LIMCH1: variants seen among roughly 807,000 people sequenced by gnomAD.
The protein encoded by LIMCH1 is LIM and calponin homology domains-containing protein 1.
In LIMCH1, 113 loss-of-function variants were observed where a neutral mutation model predicts 176.5. That is an observed-to-expected ratio of 0.64 (90% confidence interval 0.55 to 0.75). The LOEUF (loss-of-function observed/expected upper bound fraction) is 0.75, where lower values mean the gene tolerates loss of function less well. LIMCH1 is among the 30% of genes least tolerant of loss of function. The pLI is 0.00. For missense variants in LIMCH1, 1,674 were observed against 1,814.9 expected (o/e 0.92, Z 1.41); for synonymous variants, 619 against 645.9 (o/e 0.96, Z 0.63).
chr4:41,608,331 G>A (rs554435002), intron 4 of LIMCH1, among the ~76,000 whole-genome samples: 4 of 152,262 alleles, frequency 2.6e-5, no homozygotes, highest in Admixed American at 2.6e-4. Context: ...ACTTGAACTT[G>A]GTCATGCATC....
At chr4:41,621,744 TTCCAGAAG>T (rs60568993) in intron 7 of LIMCH1, among the ~76,000 whole-genome samples, 6,019 of 152,158 alleles carry the variant, frequency 0.04, 387 homozygotes, top group African/African-American at 0.14. Flanking sequence ...TATACCCATC[TTCCAGAAG>T]TCCAGAAGTG....
At position 41,646,840 on chromosome 4, in the gene LIMCH1, C is replaced by T. The variant is rs1313570332; in HGVS notation, c.2767C>T (p.Pro923Ser). The T allele has an allele frequency of 6.2e-7, 1 of 1,614,160 alleles. No individual in the cohort carries two copies. Among genetic ancestry groups the T allele is most frequent in the Non-Finnish European group, 8.5e-7 (1 of 1,180,012 alleles). Residue 923 changes from proline to serine, a missense_variant, in exon 17 of 32, where the codon CCC (proline) becomes TCC (serine). By Grantham distance (74) the Pro-to-Ser change is moderately conservative (BLOSUM62 -1). Transcript: ENST00000503057. ...TCCCAAAGCAGTGCCTATGCTGACA[C>T]CCAAGCCTTACTCCCAGCCCAAAAA... The part of the protein sequence containing the change: ...VTPKAVPMLT[P>S]KPYSQPKNSQ...
At chr4:41,492,956 C>T (rs1394823961) in intron 1 of LIMCH1, among the ~76,000 whole-genome samples, 2 of 152,062 alleles carry the variant, frequency 1.3e-5, no homozygotes, top group East Asian at 1.9e-4. Context: ...ATTTCCTAAA[C>T]AATACAGTGT....
At chr4:41,505,293 A>G (rs977234640) in intron 2 of LIMCH1, among the ~76,000 whole-genome samples, 8 of 152,186 alleles carry the variant, frequency 5.3e-5, no homozygotes, top group Non-Finnish European at 1.0e-4. Flanking sequence ...CCAAAAGTCA[A>G]TTATGAATAT....
Position 41,613,239 on chromosome 4 carries a change from T to TA in LIMCH1, c.10-219dup, listed in dbSNP as rs1554127178. ...AATATGAGTTATTTGGGGATTTTTT[T>TA]AAAAAAAACGTTGTGCATGATTTTC... On this transcript the variant is annotated intron_variant, in intron 4 of 31. Transcript: ENST00000503057. 537 of 927,080 alleles carry TA rather than the reference T, an allele frequency of 5.8e-4. 4 individuals carry two copies. The highest frequency in any genetic ancestry group is 2.3e-3 in the South Asian group (143 of 61,730). The allele number at this position is 927,080 out of a possible 1,614,324, so 57.4% of individuals were successfully genotyped here.
chr4:41,452,046 C>T (rs1053852245), intron 1 of LIMCH1, among the ~76,000 whole-genome samples: 2 of 152,160 alleles, frequency 1.3e-5, no homozygotes, highest in African/African-American at 2.4e-5. Context: ...ACAACTTAGT[C>T]CCCGCTTGGC....
chr4:41,550,396 C>G (rs1178402918), intron 1 of LIMCH1, among the ~76,000 whole-genome samples: 1 of 151,952 alleles, frequency 6.6e-6, no homozygotes, highest in African/African-American at 2.4e-5. Context: ...AATGAGCCTT[C>G]TACTTTCAAA....
At chr4:41,547,861 GTGTA>G (rs146014434) in intron 1 of LIMCH1, among the ~76,000 whole-genome samples, 4,272 of 84,714 alleles carry the variant, frequency 0.05, 91 homozygotes, top group Admixed American at 0.083. Flanking sequence ...ATTTGTGTGT[GTGTA>G]TATATATATA....
chr4:41,598,862 C>A, intron 1 of LIMCH1, 58 bp from the exon 2 acceptor site: 1 of 1,124,448 alleles, frequency 8.9e-7, no homozygotes, highest in Admixed American at 1.9e-5. Context: ...TTGGGAGGGG[C>A]TGGTTCATAA....
chr4:41,502,155 T>A (rs1012267795), intron 2 of LIMCH1, among the ~76,000 whole-genome samples: 1 of 151,026 alleles, frequency 6.6e-6, no homozygotes, highest in African/African-American at 2.4e-5. Context: ...AGTGAGAAGA[T>A]GTGGTGTTTG....
intron 1 of LIMCH1, among the ~76,000 whole-genome samples, chr4:41,487,463 G>T (rs1274462082): frequency 6.6e-6 from 1 of 152,118 alleles, no homozygotes; most frequent in Non-Finnish European, 1.5e-5. Context: ...CCTATTCCCA[G>T]AATTGGGTCT....
chr4:41,465,686 A>C (rs548307498), intron 1 of LIMCH1, among the ~76,000 whole-genome samples: 2 of 152,250 alleles, frequency 1.3e-5, no homozygotes, highest in African/African-American at 4.8e-5. Context: ...TTTTATATTG[A>C]TACTTCTCCT....
At chr4:41,652,977 C>A (rs561737890) in intron 18 of LIMCH1, among the ~76,000 whole-genome samples, 3 of 152,184 alleles carry the variant, frequency 2.0e-5, no homozygotes, top group Admixed American at 1.3e-4. Flanking sequence ...GTCAGTGAAC[C>A]CTAATGTTTC....
In LIMCH1 at chr4:41,435,006, G is replaced by A. The variant is rs1582115338; in HGVS notation, c.97-59530G>A. On this transcript the variant is annotated intron_variant, in intron 1 of 26. Coordinates refer to the LIMCH1 transcript ENST00000313860. The stretch of plus-strand genomic sequence containing the variant: ...GGATGTTAATATCTTAATCCTTAGA[G>A]CCTCTGGCTATATTATCTTATATGG... Among the ~76,000 whole-genome samples the A allele has an allele frequency of 2.6e-5, 4 of 152,270 alleles. No individual in the cohort carries two copies. In the East Asian group the frequency reaches 7.7e-4, roughly 29 times the overall value.
chr4:41,678,773 T>C, intron 23 of LIMCH1, among the ~76,000 whole-genome samples: 1 of 130,858 alleles, frequency 7.6e-6, no homozygotes, highest in Non-Finnish European at 1.7e-5. Context: ...TTTCACTCTC[T>C]GCATCTCTGC....
chr4:41,619,084 T>C, intron 5 of LIMCH1, 104 bp from the exon 6 acceptor site: 1 of 1,280,666 alleles, frequency 7.8e-7, no homozygotes, highest in Non-Finnish European at 1.1e-6. Context: ...TAAGAAGGAA[T>C]CCTCAGAACC....
chr4:41,367,798 C>T (rs60768239), intron 1 of LIMCH1, among the ~76,000 whole-genome samples: 2,157 of 146,856 alleles, frequency 0.015, 52 homozygotes, highest in African/African-American at 0.052. Context: ...ACCTGGGAGG[C>T]GGAACTTGCA....
chr4:41,604,186 G>C lies in LIMCH1; in HGVS notation c.-103+281G>C, dbSNP rs892202649. 5.1e-6 allele frequency: 5 copies of C among 984,256 alleles called. No individual in the cohort carries two copies. The African/African-American group carries it at 8.7e-5, about 17-fold the overall frequency. The allele number at this position is 984,256 out of a possible 1,614,324, so 61.0% of individuals were successfully genotyped here. ...TGATTCAGTTTCTTAAACACAAAATGATCAGGCTCAATACTAACATTAGCC... is the reference window on the plus strand; with the variant it reads ...TGATTCAGTTTCTTAAACACAAAATCATCAGGCTCAATACTAACATTAGCC... On this transcript the variant is annotated intron_variant, in intron 3 of 31. Transcript: ENST00000503057.
intron 1 of LIMCH1, among the ~76,000 whole-genome samples, chr4:41,469,044 C>T (rs1000305487): frequency 9.2e-5 from 14 of 152,148 alleles, no homozygotes; most frequent in African/African-American, 2.7e-4. Flanking sequence ...CAGCTTTCAC[C>T]GTGATATTTG....
Sources: gnomAD v4.1 joint callset for allele counts (sites outside exome capture counted in the v4.1 genomes callset) on GRCh38, gnomAD v4.1.1 for gene constraint, MANE v1.5 for transcripts, NCBI Gene and HGNC (gene_info 2026-07-23, HGNC 2026-07-21) for gene names.